BRINP3: variants seen among roughly 807,000 people sequenced by gnomAD.
The protein encoded by BRINP3 is BMP/retinoic acid-inducible neural-specific protein 3.
BRINP3 carries 19 observed loss-of-function variants against 71.0 expected under a neutral mutation model. That is an observed-to-expected ratio of 0.27 (90% CI 0.19 to 0.39). The LOEUF is 0.39. Ranked by LOEUF, BRINP3 falls within the 10% of genes least tolerant of loss-of-function variation. The probability of loss-of-function intolerance (pLI) is 1.00; values close to 1 mark genes in which losing one functional copy is unlikely to be tolerated. For missense variants in BRINP3, 959 were observed against 940.8 expected, an observed-to-expected ratio of 1.02 and a Z score of -0.25; for synonymous variants, 380 against 337.7, an observed-to-expected ratio of 1.13 and a Z score of -1.37.
At chr1:190,175,407 G>A (rs1026126256) in intron 6 of BRINP3, among the ~76,000 whole-genome samples, 2 of 152,054 alleles carry the variant, frequency 1.3e-5, no homozygotes, top group Middle Eastern at 3.4e-3. Flanking sequence ...TAAAAAGAAC[G>A]AAAATGAAAA....
intron 2 of BRINP3, among the ~76,000 whole-genome samples, chr1:190,369,397 T>C (rs1214306710): frequency 6.6e-6 from 1 of 152,060 alleles, no homozygotes; most frequent in Admixed American, 6.6e-5. Context: ...CCAGAATTAA[T>C]ATAATTAAGC....
intron 1 of BRINP3, among the ~76,000 whole-genome samples, chr1:190,466,335 C>A (rs115329730): frequency 0.018 from 2,755 of 151,760 alleles, 51 homozygotes; most frequent in Middle Eastern, 0.051. Flanking sequence ...CCCAGGCTTA[C>A]CCTGGAGTTA....
At chr1:190,253,710 C>A (rs1660370814) in intron 4 of BRINP3, among the ~76,000 whole-genome samples, 1 of 152,070 alleles carries the variant, frequency 6.6e-6, no homozygotes, top group South Asian at 2.1e-4. Context: ...CAAAAATTTT[C>A]TCCCATTCTG....
chr1:190,120,221 T>C (rs984013108), intron 7 of BRINP3, among the ~76,000 whole-genome samples: 1 of 152,186 alleles, frequency 6.6e-6, no homozygotes, highest in Admixed American at 6.5e-5. Context: ...TTATTCCCCT[T>C]CAGCACTAAT....
At chr1:190,368,856 T>G (rs1669679139) in intron 2 of BRINP3, among the ~76,000 whole-genome samples, 13 of 152,198 alleles carry the variant, frequency 8.5e-5, no homozygotes. Flanking sequence ...ACATATAGAT[T>G]AGAAGGTTTA....
intron 2 of BRINP3, among the ~76,000 whole-genome samples, chr1:190,441,345 T>A (rs1674807150): frequency 6.6e-6 from 1 of 152,054 alleles, no homozygotes; most frequent in African/African-American, 2.4e-5. Context: ...AACGTGAATA[T>A]CTGCATTCAA....
intron 2 of BRINP3, among the ~76,000 whole-genome samples, chr1:190,300,056 T>C (rs1330036782): frequency 1.3e-5 from 2 of 152,074 alleles, no homozygotes; most frequent in African/African-American, 4.8e-5. Flanking sequence ...AGGAGTATCT[T>C]TGTGGCGTTC....
chr1:190,311,395 T>C (rs1571713310), intron 2 of BRINP3, among the ~76,000 whole-genome samples: 1 of 151,600 alleles, frequency 6.6e-6, no homozygotes, highest in East Asian at 1.9e-4. Context: ...TTAGTCCTAG[T>C]GTGAAAGGCA....
intron 7 of BRINP3, among the ~76,000 whole-genome samples, chr1:190,135,935 C>T (rs1440366122): frequency 6.6e-6 from 1 of 151,932 alleles, no homozygotes; most frequent in Non-Finnish European, 1.5e-5. Context: ...GCACACATTA[C>T]TATAGTAGCT....
chr1:190,303,847 T>C (rs930078805), intron 2 of BRINP3, among the ~76,000 whole-genome samples: 4 of 151,774 alleles, frequency 2.6e-5, no homozygotes, highest in African/African-American at 9.7e-5. Context: ...TTAGATAAAG[T>C]AAATATTTTT....
chr1:190,323,008 G>A (rs369893217), intron 2 of BRINP3, among the ~76,000 whole-genome samples: 1 of 151,966 alleles, frequency 6.6e-6, no homozygotes, highest in African/African-American at 2.4e-5. Context: ...TGTACTTTGA[G>A]GATTCAAGGT....
chr1:190,223,697 A>C (rs2102693232), intron 6 of BRINP3, among the ~76,000 whole-genome samples: 1 of 152,034 alleles, frequency 6.6e-6, no homozygotes, highest in Non-Finnish European at 1.5e-5. Context: ...AAAAGAACTA[A>C]ATAAAAAGCA....
At chr1:190,107,229 C>T (rs527772728) in intron 7 of BRINP3, among the ~76,000 whole-genome samples, 1 of 152,042 alleles carries the variant, frequency 6.6e-6, no homozygotes, top group South Asian at 2.1e-4. Context: ...ATTCTGACAA[C>T]ATCTAGTTGT....
At chr1:190,309,796 C>T (rs1039632382) in intron 2 of BRINP3, among the ~76,000 whole-genome samples, 5 of 151,736 alleles carry the variant, frequency 3.3e-5, no homozygotes, top group Non-Finnish European at 5.9e-5. Flanking sequence ...CAGGAGTGTA[C>T]ACCACTCTAA....
chr1:190,360,821 A>G (rs1024622138), intron 2 of BRINP3, among the ~76,000 whole-genome samples: 1 of 152,126 alleles, frequency 6.6e-6, no homozygotes, highest in Admixed American at 6.6e-5. Context: ...CAGTTTTCTC[A>G]GGGAACTTGC....
chr1:190,241,504 A>T (rs1207020405), intron 4 of BRINP3, among the ~76,000 whole-genome samples: 1 of 152,080 alleles, frequency 6.6e-6, no homozygotes, highest in East Asian at 1.9e-4. Context: ...AAGTTACAAT[A>T]AAACACAATT....
At chr1:190,275,928 T>C (rs1250977776) in intron 3 of BRINP3, among the ~76,000 whole-genome samples, 1 of 151,274 alleles carries the variant, frequency 6.6e-6, no homozygotes, top group Non-Finnish European at 1.5e-5. Flanking sequence ...GATATTTTAT[T>C]TTATTTACCA....
In BRINP3 at chr1:190,177,153, T is replaced by TTA. The variant is rs1223448450; in HGVS notation, c.962-16264_962-16263insTA. Among the ~76,000 whole-genome samples, 258 of 108,126 alleles carry TTA rather than the reference T, an allele frequency of 2.4e-3. 1 individual carries two copies. Among genetic ancestry groups the TTA allele is most frequent in the African/African-American group, 8.1e-3 (213 of 26,358 alleles). The allele number at this position is 108,126 out of a possible 152,430, so 70.9% of individuals were successfully genotyped here. Reference sequence around the variant, plus strand: ...TTTGTCATGGAAGCACCCACTTCTTTTTTTTTTTTTTTTTTTTTTTTTTTT... The same window carrying TTA: ...TTTGTCATGGAAGCACCCACTTCTTTTATTTTTTTTTTTTTTTTTTTTTTTTT... On this transcript the variant is annotated intron_variant, in intron 6 of 7. Coordinates refer to ENST00000367462, the MANE Select transcript of BRINP3 (RefSeq NM_199051.3).
intron 5 of BRINP3, among the ~76,000 whole-genome samples, chr1:190,230,779 T>TCA (rs1181208692): frequency 2.0e-5 from 3 of 151,018 alleles, no homozygotes; most frequent in Non-Finnish European, 4.4e-5. Flanking sequence ...CTTCAAACAC[T>TCA]CACACACACA....
Sources: gnomAD v4.1 joint callset for allele counts (sites outside exome capture counted in the v4.1 genomes callset) on GRCh38, gnomAD v4.1.1 for gene constraint, MANE v1.5 for transcripts, NCBI Gene and HGNC (gene_info 2026-07-23, HGNC 2026-07-21) for gene names.